SCCPDH: variants seen among roughly 807,000 people sequenced by gnomAD.
SCCPDH encodes the protein saccharopine dehydrogenase (putative), also known as saccharopine dehydrogenase-like oxidoreductase.
A neutral mutation model predicts 51.5 loss-of-function variants in SCCPDH; 34 were observed. The observed-to-expected ratio is 0.66, with a 90% CI of 0.50 to 0.88. SCCPDH has a LOEUF of 0.88. Among genes scored for constraint, SCCPDH ranks in the 40% least tolerant of loss-of-function variants. The pLI is 0.00. For missense variants in SCCPDH, 464 were observed against 527.1 expected, an observed-to-expected ratio of 0.88 and a Z score of 1.17; for synonymous variants, 187 against 191.3, an observed-to-expected ratio of 0.98 and a Z score of 0.19.
At chr1:246,748,380 C>A (rs1254376515) in intron 5 of SCCPDH, among the ~76,000 whole-genome samples, 2 of 152,178 alleles carry the variant, frequency 1.3e-5, no homozygotes, top group Non-Finnish European at 2.9e-5. Flanking sequence ...AGCGGTAAGT[C>A]TTTGTAAGGC....
At chr1:246,763,566 G>A (rs999358388) in intron 9 of SCCPDH, among the ~76,000 whole-genome samples, 2 of 152,036 alleles carry the variant, frequency 1.3e-5, no homozygotes, top group African/African-American at 2.4e-5. Flanking sequence ...CCTCTGCCCT[G>A]GTAGATTAAT....
chr1:246,751,082 C>G (rs1157884462), intron 5 of SCCPDH, among the ~76,000 whole-genome samples: 1 of 152,220 alleles, frequency 6.6e-6, no homozygotes, highest in African/African-American at 2.4e-5. Flanking sequence ...TATCCATTTT[C>G]CTTCAGAATT....
chr1:246,736,825 A>G (rs1460038905), intron 3 of SCCPDH, among the ~76,000 whole-genome samples: 1 of 152,244 alleles, frequency 6.6e-6, no homozygotes, highest in African/African-American at 2.4e-5. Flanking sequence ...TGCTTACCAT[A>G]TGCCCAACAT....
chr1:246,743,089 A>G (rs563141464), intron 4 of SCCPDH, among the ~76,000 whole-genome samples: 2 of 152,256 alleles, frequency 1.3e-5, no homozygotes, highest in Admixed American at 1.3e-4. Context: ...AAGCAGAATA[A>G]TTCCCATGGA....
intron 5 of SCCPDH, among the ~76,000 whole-genome samples, chr1:246,751,926 C>T (rs1668856546): frequency 7.0e-6 from 1 of 142,560 alleles, no homozygotes; most frequent in South Asian, 2.3e-4. Flanking sequence ...GCTCCCGCCA[C>T]CACGCCCGGC....
chr1:246,755,295 G>T (rs77501470), intron 5 of SCCPDH, among the ~76,000 whole-genome samples: 12,933 of 152,168 alleles, frequency 0.085, 967 homozygotes, highest in African/African-American at 0.18. Flanking sequence ...ATGTGCATCT[G>T]GACAAGCTGT....
chr1:246,749,758 T>C (rs951744415), intron 5 of SCCPDH, among the ~76,000 whole-genome samples: 2 of 152,220 alleles, frequency 1.3e-5, no homozygotes, highest in African/African-American at 4.8e-5. Context: ...ACTGGACTCT[T>C]TGTCAAAGTC....
chr1:246,766,026 T>C (rs746343200), intron 10 of SCCPDH, 32 bp from the exon 11 acceptor site: 1 of 1,477,288 alleles, frequency 6.8e-7, no homozygotes, highest in South Asian at 1.2e-5. Context: ...TCATGATTCC[T>C]TTCTTTTTCC....
At chr1:246,754,821 G>A (rs1303491417) in intron 5 of SCCPDH, among the ~76,000 whole-genome samples, 1 of 152,046 alleles carries the variant, frequency 6.6e-6, no homozygotes, top group Non-Finnish European at 1.5e-5. Context: ...TTAGTAGTTT[G>A]GGTTTTCTTT....
chr1:246,763,848 C>G (rs185307576), intron 9 of SCCPDH, among the ~76,000 whole-genome samples: 5 of 152,156 alleles, frequency 3.3e-5, no homozygotes, highest in African/African-American at 9.6e-5. Context: ...TTTTTTGAGT[C>G]GAATTTTTAC....
At chr1:246,749,418 C>T (rs752405464) in intron 5 of SCCPDH, among the ~76,000 whole-genome samples, 7 of 152,048 alleles carry the variant, frequency 4.6e-5, no homozygotes, top group African/African-American at 1.4e-4. Context: ...AGAACTTAGA[C>T]GAGGGAGAAG....
intron 5 of SCCPDH, among the ~76,000 whole-genome samples, chr1:246,756,233 C>T (rs1668928326): frequency 6.6e-6 from 1 of 152,140 alleles, no homozygotes; most frequent in African/African-American, 2.4e-5. Flanking sequence ...ATAAATCTTG[C>T]TTGATTGCAT....
At chr1:246,747,545 T>A (rs1668780293) in intron 5 of SCCPDH, among the ~76,000 whole-genome samples, 1 of 152,134 alleles carries the variant, frequency 6.6e-6, no homozygotes, top group Non-Finnish European at 1.5e-5. Context: ...CGCTGAAACA[T>A]AAAATTTCTC....
At chr1:246,732,426 C>T (rs372585091) in intron 2 of SCCPDH, among the ~76,000 whole-genome samples, 3 of 151,556 alleles carry the variant, frequency 2.0e-5, no homozygotes, top group African/African-American at 7.3e-5. Context: ...CTTGCTCTGT[C>T]ACCCAGGCGG....
intron 3 of SCCPDH, among the ~76,000 whole-genome samples, chr1:246,736,316 C>G (rs889290392): frequency 3.9e-5 from 6 of 152,204 alleles, no homozygotes; most frequent in African/African-American, 1.4e-4. Flanking sequence ...CTACTTCATG[C>G]TTTAAACTGA....
intron 10 of SCCPDH, among the ~76,000 whole-genome samples, 182 bp from the exon 11 acceptor site, chr1:246,765,876 G>A (rs1276915216): frequency 1.3e-5 from 2 of 152,152 alleles, no homozygotes; most frequent in East Asian, 3.8e-4. Flanking sequence ...AAAGCACTTA[G>A]TACAGTTCCT....
chr1:246,724,461 C>T lies in SCCPDH; in HGVS notation c.39C>T (p.Phe13=), dbSNP rs1163059886. Residue 13 remains phenylalanine, a synonymous_variant, in exon 1 of 12, where the codon TTC becomes TTT. Coordinates refer to ENST00000366510, the MANE Select transcript of SCCPDH (RefSeq NM_016002.3). ...TEQRPFHLVV[F]GASGFTGQFV... ...AGAGGCCTTTCCACCTGGTGGTGTT[C>T]GGCGCGTCTGGCTTCACCGGCCAGT... 13 of 1,590,412 alleles carry T rather than the reference C, an allele frequency of 8.2e-6. No homozygotes were observed. Among genetic ancestry groups the T allele is most frequent in the Non-Finnish European group, 1.1e-5 (13 of 1,171,196 alleles).
chr1:246,744,922 G>A (rs185507560), intron 5 of SCCPDH, among the ~76,000 whole-genome samples: 466 of 152,212 alleles, frequency 3.1e-3, no homozygotes, highest in Non-Finnish European at 4.8e-3. Flanking sequence ...CACTGCACCC[G>A]GCCCCTAAAA....
At chr1:246,754,111 G>T (rs1023949006) in intron 5 of SCCPDH, among the ~76,000 whole-genome samples, 1 of 151,854 alleles carries the variant, frequency 6.6e-6, no homozygotes, top group African/African-American at 2.4e-5. Flanking sequence ...CCTGCTGGAG[G>T]CTCCTCGCAT....
Sources: allele counts gnomAD v4.1 joint callset (sites outside exome capture counted in the v4.1 genomes callset), GRCh38; gene constraint gnomAD v4.1.1; transcripts MANE v1.5; gene names NCBI Gene and HGNC (gene_info 2026-07-23, HGNC 2026-07-21).